The following TJP2 variants were observed in gnomAD, a reference collection of about 807,000 sequenced individuals.
TJP2 encodes Friedreich ataxia region gene X104 (tight junction protein ZO-2).
In TJP2, 91 loss-of-function variants were observed where a neutral mutation model predicts 133.1. The ratio of observed to expected loss-of-function variants is 0.68; its 90% confidence interval spans 0.58 to 0.81. The LOEUF is 0.81. TJP2 is among the 40% of genes least tolerant of loss of function. The pLI, the probability that TJP2 is intolerant of heterozygous loss-of-function variation, is 0.00. For synonymous variants in TJP2, 592 were observed against 583.4 expected (o/e 1.01, Z -0.21); for missense variants, 1,541 against 1,565.6 (o/e 0.98, Z 0.26).
intron 1 of TJP2, chr9:69,205,304 C>A (rs1202993575): frequency 1.5e-5 from 23 of 1,536,244 alleles, no homozygotes; most frequent in Admixed American, 2.0e-5. Flanking sequence ...GGAAGCAAAA[C>A]CATTCTCACA....
intron 2 of TJP2, among the ~76,000 whole-genome samples, chr9:69,167,257 T>C (rs539627700): frequency 6.6e-6 from 1 of 151,926 alleles, no homozygotes; most frequent in Admixed American, 6.6e-5. Context: ...TAAAAATAAA[T>C]AAATAAAAAT....
intron 6 of TJP2, among the ~76,000 whole-genome samples, chr9:69,225,643 T>G (rs1829290065): frequency 6.6e-6 from 1 of 152,256 alleles, no homozygotes; most frequent in Non-Finnish European, 1.5e-5. Context: ...TATTTTCTTC[T>G]TTCCTGTTTA....
At chr9:69,155,227 CAAAAAAAAAAAAAAA>C (rs58935075) in intron 2 of TJP2, among the ~76,000 whole-genome samples, 1 of 98,772 alleles carries the variant, frequency 1.0e-5, no homozygotes, top group Middle Eastern at 6.7e-3. Context: ...ACTCCATTTC[CAAAAAAAAAAAAAAA>C]AAAAAAAGGA....
intron 2 of TJP2, among the ~76,000 whole-genome samples, chr9:69,154,124 C>T (rs1284734143): frequency 1.3e-5 from 2 of 152,194 alleles, no homozygotes; most frequent in African/African-American, 4.8e-5. Flanking sequence ...TGTGGTTGCA[C>T]AGCCCCTGAC....
At chr9:69,165,926 C>T (rs953194815) in intron 2 of TJP2, among the ~76,000 whole-genome samples, 8 of 152,144 alleles carry the variant, frequency 5.3e-5, no homozygotes, top group Non-Finnish European at 1.2e-4. Context: ...GGAGCACCAC[C>T]GTGGCCTCTG....
At chr9:69,132,536 G>C (rs1822542222) in intron 1 of TJP2, among the ~76,000 whole-genome samples, 1 of 152,198 alleles carries the variant, frequency 6.6e-6, no homozygotes, top group Admixed American at 6.5e-5. Context: ...GGTTCAGAAT[G>C]ATAACTGGGA....
In TJP2 at chr9:69,252,865, G is replaced by A. The variant is rs745427593; in HGVS notation, c.3372G>A (p.Thr1124=). ...HPDIYAVPIK[T]HKPDPGTPQH... ...ATATCTATGCAGTTCCAATCAAAAC[G>A]CACAAGCCAGACCCTGGCACGCCCC... Residue 1124 remains threonine (T), a synonymous_variant, in exon 22 of 23, where the codon ACG becomes ACA. Transcript: ENST00000377245. 87 of 1,613,992 alleles carry A rather than the reference G, an allele frequency of 5.4e-5. 1 individual carries two copies. In the Middle Eastern group the frequency reaches 9.9e-4, roughly 18 times the overall value.
chr9:69,143,552 A>T (rs1437304404), intron 1 of TJP2, among the ~76,000 whole-genome samples: 1 of 152,364 alleles, frequency 6.6e-6, no homozygotes, highest in African/African-American at 2.4e-5. Flanking sequence ...TCCTGGGACT[A>T]ACTGGTACTA....
At chr9:69,200,065 C>T (rs1295335746) in intron 1 of TJP2, among the ~76,000 whole-genome samples, 1 of 152,182 alleles carries the variant, frequency 6.6e-6, no homozygotes, top group African/African-American at 2.4e-5. Flanking sequence ...TTTTAAGGCT[C>T]CCAAGCCATA....
intron 1 of TJP2, among the ~76,000 whole-genome samples, chr9:69,131,372 A>G (rs1822488733): frequency 6.6e-6 from 1 of 152,214 alleles, no homozygotes; most frequent in Admixed American, 6.5e-5. Flanking sequence ...TTGCTACAGG[A>G]AAGAAATCCA....
chr9:69,253,356 A>G, intron 22 of TJP2: 1 of 169,608 alleles, frequency 5.9e-6, no homozygotes, highest in Non-Finnish European at 1.3e-5. Context: ...AATGCCACAC[A>G]AACAGTAGGA....
intron 1 of TJP2, among the ~76,000 whole-genome samples, chr9:69,211,969 G>A (rs1827946776): frequency 6.6e-6 from 1 of 152,124 alleles, no homozygotes; most frequent in Non-Finnish European, 1.5e-5. Flanking sequence ...ACCACCAGTT[G>A]TAGTTTTTTC....
intron 1 of TJP2, among the ~76,000 whole-genome samples, chr9:69,199,568 A>G (rs191623608): frequency 6.6e-6 from 1 of 152,274 alleles, no homozygotes. Context: ...GTACGCACGC[A>G]CCAGAGGGAA....
intron 1 of TJP2, among the ~76,000 whole-genome samples, chr9:69,134,898 GC>G: frequency 6.6e-6 from 1 of 151,924 alleles, no homozygotes; most frequent in East Asian, 1.9e-4. Flanking sequence ...TGCTCACATG[GC>G]CTTTCCTGGA....
chr9:69,154,984 G>A (rs377408402), intron 2 of TJP2, among the ~76,000 whole-genome samples: 26 of 151,884 alleles, frequency 1.7e-4, no homozygotes, highest in African/African-American at 6.3e-4. Context: ...TTGGGAGGCC[G>A]ATGTGGGTGG....
chr9:69,245,264 C>T (rs568446873), intron 17 of TJP2, among the ~76,000 whole-genome samples: 39 of 152,248 alleles, frequency 2.6e-4, no homozygotes, highest in African/African-American at 9.4e-4. Flanking sequence ...ACTTCTTAAA[C>T]AGAAGAAAGC....
intron 2 of TJP2, among the ~76,000 whole-genome samples, chr9:69,215,108 TA>T (rs1467069502): frequency 6.6e-6 from 1 of 152,102 alleles, no homozygotes; most frequent in Non-Finnish European, 1.5e-5. Context: ...AAGTGGGAGC[TA>T]AACATTGGGT....
intron 1 of TJP2, among the ~76,000 whole-genome samples, chr9:69,176,096 G>C (rs1437570270): frequency 6.6e-6 from 1 of 152,188 alleles, no homozygotes; most frequent in Admixed American, 6.5e-5. Context: ...GTATGATGCC[G>C]ATGCACACTC....
chr9:69,128,922 T>C (rs1272082225), intron 1 of TJP2, among the ~76,000 whole-genome samples: 1 of 152,078 alleles, frequency 6.6e-6, no homozygotes, highest in African/African-American at 2.4e-5. Flanking sequence ...TTCTCCAGTT[T>C]CAATGGTTTA....
Sources: allele counts gnomAD v4.1 joint callset (sites outside exome capture counted in the v4.1 genomes callset), GRCh38; gene constraint gnomAD v4.1.1; transcripts MANE v1.5; gene names NCBI Gene and HGNC (gene_info 2026-07-23, HGNC 2026-07-21).